Variants in CHN2 observed in about 807,000 individuals in gnomAD.
CHN2 encodes the protein chimerin 2, also known as beta-chimaerin.
A neutral mutation model predicts 56.3 loss-of-function variants in CHN2; 35 were observed. The ratio of observed to expected loss-of-function variants is 0.62; its 90% CI spans 0.47 to 0.82. The LOEUF (loss-of-function observed/expected upper bound fraction) is 0.82. Ranked by LOEUF, CHN2 falls within the 40% of genes least tolerant of loss-of-function variation. The pLI is 0.00. For missense variants in CHN2, 491 were observed against 580.5 expected (o/e 0.85, Z 1.58); for synonymous variants, 210 against 212.8 (o/e 0.99, Z 0.12).
intron 2 of CHN2, among the ~76,000 whole-genome samples, chr7:29,365,476 A>C (rs1357014011): frequency 6.6e-6 from 1 of 152,248 alleles, no homozygotes; most frequent in South Asian, 2.1e-4. Flanking sequence ...GTAAGAGCAT[A>C]GACTAGGGTG....
At chr7:29,166,843 A>G (rs868211299) in intron 2 of CHN2, among the ~76,000 whole-genome samples, 3 of 151,624 alleles carry the variant, frequency 2.0e-5, no homozygotes, top group Non-Finnish European at 4.4e-5. Context: ...TTGTTTTTCT[A>G]TTTCCTGTAC....
intron 1 of CHN2, among the ~76,000 whole-genome samples, chr7:29,319,815 G>A (rs144450936): frequency 1.4e-4 from 21 of 152,236 alleles, no homozygotes; most frequent in Non-Finnish European, 2.1e-4. Context: ...GTTTACTCTG[G>A]AACCGAGTGG....
chr7:29,345,822 C>T lies in CHN2; in HGVS notation c.50-8803C>T, dbSNP rs574002832. On this transcript the variant is annotated intron_variant, in intron 1 of 12. Transcript: ENST00000222792. ...GGTGCCCTCTAGTGACCACAGGCTCCAGCCCAAGGCCCTCCATGGCTTCAT... is the reference window on the plus strand; with the variant it reads ...GGTGCCCTCTAGTGACCACAGGCTCTAGCCCAAGGCCCTCCATGGCTTCAT... 4.6e-5 allele frequency among the ~76,000 whole-genome samples: 7 copies of T among 152,226 alleles called. No individual in the cohort carries two copies. In the East Asian group the frequency reaches 9.7e-4, roughly 21 times the overall value.
chr7:29,390,921 A>G (rs972306740), intron 3 of CHN2, among the ~76,000 whole-genome samples: 10 of 152,224 alleles, frequency 6.6e-5, no homozygotes, highest in African/African-American at 2.2e-4. Flanking sequence ...TAGACGTTGT[A>G]TGATTTGTAT....
At chr7:29,484,520 A>G (rs1771048668) in intron 7 of CHN2, among the ~76,000 whole-genome samples, 1 of 152,008 alleles carries the variant, frequency 6.6e-6, no homozygotes, top group Non-Finnish European at 1.5e-5. Flanking sequence ...TTGTAGACAC[A>G]CCACTCCAAT....
intron 1 of CHN2, among the ~76,000 whole-genome samples, chr7:29,273,378 T>C (rs1388139606): frequency 1.8e-4 from 11 of 59,816 alleles, no homozygotes; most frequent in African/African-American, 7.9e-4. Flanking sequence ...TATATATATA[T>C]ATATATATAT....
Position 29,480,295 on chromosome 7 carries a change from G to A in CHN2, c.593G>A (p.Arg198Gln). Residue 198 changes from arginine (R) to glutamine (Q), a missense_variant, in exon 7 of 13, where the codon CGA (arginine) becomes CAA (glutamine). Coordinates refer to ENST00000222792, the MANE Select transcript of CHN2 (RefSeq NM_004067.4). ...TGTTCACAGATCTCCTCCCTGGTTC[G>A]AAGGGCTGCCCTCACACACAACGAC... ...TAVEKISSLVRRAALTHNDNH... is the reference protein window; with the variant it reads ...TAVEKISSLVQRAALTHNDNH... 6.2e-7 allele frequency: 1 copy of A among 1,614,162 alleles called. No homozygotes were observed. Among genetic ancestry groups the A allele is most frequent in the East Asian group, 2.2e-5 (1 of 44,884 alleles).
At chr7:29,267,368 A>G (rs1454814977) in intron 1 of CHN2, among the ~76,000 whole-genome samples, 2 of 151,482 alleles carry the variant, frequency 1.3e-5, no homozygotes, top group Non-Finnish European at 2.9e-5. Flanking sequence ...TCAGCCTCCC[A>G]AGTAGGTGGG....
At chr7:29,469,420 G>A (rs11975351) in intron 6 of CHN2, among the ~76,000 whole-genome samples, 3,484 of 152,268 alleles carry the variant, frequency 0.023, 136 homozygotes, top group African/African-American at 0.077. Flanking sequence ...GGCTGCTCAC[G>A]TCACTCAGAG....
intron 1 of CHN2, among the ~76,000 whole-genome samples, chr7:29,201,658 C>T (rs1173895571): frequency 1.3e-5 from 2 of 152,170 alleles, no homozygotes; most frequent in Admixed American, 1.3e-4. Context: ...TTCAGTTCCT[C>T]AGTTACCCTA....
rs148214494 is a variant in CHN2 at position 29,423,053 on chromosome 7, G to A, written c.576+22225G>A. Among the ~76,000 whole-genome samples, 29 of 152,238 alleles carry A rather than the reference G, an allele frequency of 1.9e-4. No individual in the cohort carries two copies. The East Asian group carries it at 5.6e-3, about 29-fold the overall frequency. ...CTTTGGCCTGTTCGTACCAAACCTT[G>A]CCTATCAAAGCGTTATATAAATTGC... On this transcript the variant is annotated intron_variant, in intron 6 of 12. Transcript: ENST00000222792.
intron 3 of CHN2, among the ~76,000 whole-genome samples, chr7:29,382,482 C>G (rs545914813): frequency 6.6e-6 from 1 of 152,244 alleles, no homozygotes; most frequent in South Asian, 2.1e-4. Context: ...CCATGGATAC[C>G]CCTTTTGAAA....
intron 1 of CHN2, among the ~76,000 whole-genome samples, chr7:29,235,780 A>T (rs1787146221): frequency 6.6e-6 from 1 of 152,216 alleles, no homozygotes; most frequent in Admixed American, 6.5e-5. Context: ...GTAAATTCAT[A>T]CAGGAACTGA....
At chr7:29,361,357 G>A (rs530698921) in intron 2 of CHN2, among the ~76,000 whole-genome samples, 10 of 152,236 alleles carry the variant, frequency 6.6e-5, no homozygotes, top group African/African-American at 1.2e-4. Flanking sequence ...TATGGTTGCC[G>A]TGGTAATTGA....
At chr7:29,212,646 G>A in intron 1 of CHN2, 3 of 1,430,122 alleles carry the variant, frequency 2.1e-6, no homozygotes, top group Non-Finnish European at 3.0e-6. Context: ...AGATTTCAGA[G>A]ACAGAAATAC....
intron 1 of CHN2, among the ~76,000 whole-genome samples, chr7:29,308,327 A>G (rs1261429964): frequency 6.6e-6 from 1 of 152,052 alleles, no homozygotes; most frequent in Non-Finnish European, 1.5e-5. Flanking sequence ...GCTTCTTCCC[A>G]TCTTTTAGGC....
chr7:29,308,064 A>C (rs1032324343), intron 1 of CHN2, among the ~76,000 whole-genome samples: 1 of 152,224 alleles, frequency 6.6e-6, no homozygotes. Flanking sequence ...GTATCTCGGC[A>C]TACAAATAAC....
chr7:29,448,784 G>C (rs1562615764), intron 6 of CHN2, among the ~76,000 whole-genome samples: 1 of 150,736 alleles, frequency 6.6e-6, no homozygotes, highest in Non-Finnish European at 1.5e-5. Flanking sequence ...GTTGGGGAAG[G>C]CTTTGTGCCC....
chr7:29,161,072 T>C (rs551943454), intron 2 of CHN2, among the ~76,000 whole-genome samples: 106 of 152,316 alleles, frequency 7.0e-4, no homozygotes, highest in Middle Eastern at 3.4e-3. Flanking sequence ...ACCTAGAAGC[T>C]ACCTGACTTC....
Sources: gnomAD v4.1 joint callset for allele counts (sites outside exome capture counted in the v4.1 genomes callset) on GRCh38, gnomAD v4.1.1 for gene constraint, MANE v1.5 for transcripts, NCBI Gene and HGNC (gene_info 2026-07-23, HGNC 2026-07-21) for gene names.